Variants in IPO9 observed in about 807,000 individuals in gnomAD.
IPO9 encodes the protein importin-9.
A neutral mutation model predicts 128.6 loss-of-function variants in IPO9; 28 were observed. The observed-to-expected ratio is 0.22, with a 90% confidence interval of 0.16 to 0.30. The LOEUF (loss-of-function observed/expected upper bound fraction) is 0.30, where lower values mean the gene tolerates loss of function less well. Among genes scored for constraint, IPO9 ranks in the 10% least tolerant of loss-of-function variants. The pLI, the probability that IPO9 is intolerant of heterozygous loss-of-function variation, is 1.00. For synonymous variants in IPO9, 455 were observed against 475.8 expected, an observed-to-expected ratio of 0.96 and a Z score of 0.57; for missense variants, 935 against 1,293.9, an observed-to-expected ratio of 0.72 and a Z score of 4.26.
Position 201,853,155 on chromosome 1 carries a change from A to G in IPO9, c.690+58A>G, listed in dbSNP as rs370406011. On this transcript the variant is annotated intron_variant, in intron 6 of 23. Coordinates refer to ENST00000361565, the MANE Select transcript of IPO9 (RefSeq NM_018085.5). Reference sequence around the variant, plus strand: ...ATGCTTAAAAGTTTTATTCATGCAGAGCAGTGAGTCATTTCATGATAGCAG... The same window carrying G: ...ATGCTTAAAAGTTTTATTCATGCAGGGCAGTGAGTCATTTCATGATAGCAG... 19 of 1,348,694 alleles carry G rather than the reference A, an allele frequency of 1.4e-5. No individual in the cohort carries two copies. The South Asian group carries it at 1.9e-4, about 13-fold the overall frequency. The allele number at this position is 1,348,694 out of a possible 1,614,324, so 83.5% of individuals were successfully genotyped here. A position where few individuals can be genotyped will look rare whatever the true frequency, so the allele number is the denominator to read the frequency against.
At chr1:201,845,033 G>A (rs1319808656) in intron 1 of IPO9, among the ~76,000 whole-genome samples, 1 of 150,556 alleles carries the variant, frequency 6.6e-6, no homozygotes, top group East Asian at 1.9e-4. Flanking sequence ...GGAGGGGGGG[G>A]CGTACAGAGT....
chr1:201,857,793 C>CT (rs1680361337), intron 11 of IPO9, among the ~76,000 whole-genome samples: 1 of 106,000 alleles, frequency 9.4e-6, no homozygotes, highest in Admixed American at 9.6e-5. Flanking sequence ...GAAACTTGGT[C>CT]TCAAAAAAAA....
At chr1:201,849,811 A>G (rs1044034235) in intron 4 of IPO9, among the ~76,000 whole-genome samples, 1 of 152,228 alleles carries the variant, frequency 6.6e-6, no homozygotes, top group African/African-American at 2.4e-5. Context: ...GACTTACCAA[A>G]AAGATCAGAA....
chr1:201,861,976 G>A lies in IPO9; in HGVS notation c.1469-1472G>A, dbSNP rs1231055297. Among the ~76,000 whole-genome samples, 3 of 152,172 alleles carry A rather than the reference G, an allele frequency of 2.0e-5. 1 individual carries two copies. The highest frequency in any genetic ancestry group is 4.4e-5 in the Non-Finnish European group (3 of 68,028). ...GAGCTGGGAGAGTAAGATGTAAGTT[G>A]CTAAGGAGGGATGTGTACTTGAGTT... On this transcript the variant is annotated intron_variant, in intron 13 of 23. Coordinates refer to ENST00000361565, the MANE Select transcript of IPO9 (RefSeq NM_018085.5).
In IPO9 at chr1:201,874,284, C is replaced by T; in HGVS notation, c.2745C>T (p.Val915=). The change falls in exon 21 of 24, where the codon GTC becomes GTT. Residue 915 remains valine, a synonymous_variant. Coordinates refer to ENST00000361565, the MANE Select transcript of IPO9 (RefSeq NM_018085.5). ...GCTGGACAAACATTCCTTTGCTGGT[C>T]AAGATCCTAAAGCTGATCATCAACG... ...PERWTNIPLL[V]KILKLIINEL... is the part of the protein sequence containing the mutation. 2 of 1,613,844 alleles carry T rather than the reference C, an allele frequency of 1.2e-6. No homozygotes were observed. The highest frequency in any genetic ancestry group is 1.7e-6 in the Non-Finnish European group (2 of 1,179,852).
chr1:201,856,084 T>A, intron 10 of IPO9, 150 bp downstream of exon 10: 1 of 649,478 alleles, frequency 1.5e-6, no homozygotes, highest in Non-Finnish European at 2.4e-6. Context: ...TTTGACATCA[T>A]TTTATTGCCA....
intron 1 of IPO9, among the ~76,000 whole-genome samples, chr1:201,835,939 A>G (rs1046841925): frequency 1.1e-4 from 16 of 151,870 alleles, no homozygotes; most frequent in Admixed American, 2.6e-4. Context: ...GTGAAACCCC[A>G]TCTCTACTAA....
rs146254344 is a variant in IPO9, at chr1:201,841,473, TG to T, written c.164-5804del. 3.3e-4 allele frequency among the ~76,000 whole-genome samples: 51 copies of T among 152,302 alleles called. No individual in the cohort carries two copies. In the East Asian group the frequency reaches 7.5e-3, roughly 22 times the overall value. ...CTGGGCTATCAGTCAGTATGATAAA[TG>T]GATGGATGGCTATATGGTTAGGTAT... On this transcript the variant is annotated intron_variant, in intron 1 of 23. Coordinates refer to ENST00000361565, the MANE Select transcript of IPO9 (RefSeq NM_018085.5).
At chr1:201,833,989 G>A (rs1055930543) in intron 1 of IPO9, among the ~76,000 whole-genome samples, 2 of 151,904 alleles carry the variant, frequency 1.3e-5, no homozygotes, top group African/African-American at 4.8e-5. Flanking sequence ...GTCTTGCTGT[G>A]TTGACCAGGC....
intron 4 of IPO9, among the ~76,000 whole-genome samples, chr1:201,849,116 A>AC (rs1362616071): frequency 1.3e-5 from 2 of 152,250 alleles, no homozygotes; most frequent in African/African-American, 2.4e-5. Flanking sequence ...AAGTATTTAA[A>AC]AAGAAGATAA....
chr1:201,855,010 T>C, intron 8 of IPO9, 87 bp downstream of exon 8: 2 of 1,340,326 alleles, frequency 1.5e-6, no homozygotes, highest in South Asian at 2.6e-5. Flanking sequence ...GGTTCCACTC[T>C]TCTTACACAG....
At chr1:201,872,424 G>A (rs1332820547) in intron 19 of IPO9, among the ~76,000 whole-genome samples, 1 of 151,952 alleles carries the variant, frequency 6.6e-6, no homozygotes, top group African/African-American at 2.4e-5. Flanking sequence ...GCAACATGGT[G>A]AAACCTGTGT....
intron 6 of IPO9, among the ~76,000 whole-genome samples, chr1:201,854,267 T>G (rs926223717): frequency 6.6e-6 from 1 of 152,238 alleles, no homozygotes; most frequent in Non-Finnish European, 1.5e-5. Context: ...TAGTCATCCC[T>G]TAGAACTTTC....
rs1237568416 is a variant in IPO9, at chr1:201,879,219, A to G, written c.*3165A>G. On this transcript the variant is annotated 3_prime_UTR_variant, in exon 24 of 24. Transcript: ENST00000361565. ...CAAAAGCACCTAAATAAGAGTGACG[A>G]GAGTTTAACAGACATTCATTATGGA... The G allele has an allele frequency of 2.0e-5, 3 of 152,262 alleles. No homozygotes were observed. The highest frequency in any genetic ancestry group is 2.9e-5 in the Non-Finnish European group (2 of 68,050). The allele number at this position is 152,262 out of a possible 1,614,324, so 9.4% of individuals were successfully genotyped here.
chr1:201,854,943 T>C lies in IPO9; in HGVS notation c.911+20T>C, dbSNP rs759238186. On this transcript the variant is annotated intron_variant, in intron 8 of 23. Coordinates refer to ENST00000361565, the MANE Select transcript of IPO9 (RefSeq NM_018085.5). ...AGCTTTATATCCTTTCTTGAAAGTT[T>C]AAGGGAGCTACTACCACCTATAGTT... 2.6e-6 allele frequency: 4 copies of C among 1,565,038 alleles called. No individual in the cohort carries two copies. Among genetic ancestry groups the C allele is most frequent in the Non-Finnish European group, 3.5e-6 (4 of 1,155,356 alleles).
At chr1:201,869,778 A>G (rs1022282647) in intron 17 of IPO9, 60 bp downstream of exon 17, 12 of 1,531,842 alleles carry the variant, frequency 7.8e-6, no homozygotes, top group Admixed American at 6.3e-5. Context: ...GGCTTATACT[A>G]TGCTGAGAAA....
At position 201,854,732 on chromosome 1, in the gene IPO9, A is replaced by G. The variant is rs565434157; in HGVS notation, c.810+18A>G. 30 of 1,611,934 alleles carry G rather than the reference A, an allele frequency of 1.9e-5. No individual in the cohort carries two copies. The South Asian group carries it at 2.6e-4, about 14-fold the overall frequency. ...TCCTAAAGGTAAACACTTACTACCAATGAAATATTTGGAGTTTGAGGGGCT... is the reference window on the plus strand; with the variant it reads ...TCCTAAAGGTAAACACTTACTACCAGTGAAATATTTGGAGTTTGAGGGGCT... On this transcript the variant is annotated intron_variant, in intron 7 of 23. Transcript: ENST00000361565.
intron 19 of IPO9, 50 bp downstream of exon 19, chr1:201,871,377 T>TA: frequency 3.0e-5 from 2 of 66,058 alleles, no homozygotes; most frequent in Non-Finnish European, 4.2e-5. Flanking sequence ...CTCATATTTC[T>TA]TTTTTTTTTT....
Position 201,870,854 on chromosome 1 carries a change from T to C in IPO9, c.2405T>C (p.Met802Thr). The change falls in exon 18 of 24, where the codon ATG becomes ACG. Residue 802 changes from methionine to threonine, a missense_variant. By Grantham distance (81) the Met-to-Thr change is moderately conservative. This residue lies in a region of IPO9 where 741 missense variants were observed against 1,019.1 expected (regional missense o/e 0.73). Transcript: ENST00000361565. The surrounding 1 kb of genome is among the most constrained non-coding windows in gnomAD (Gnocchi z 4.9). ...KMQQAETLSV[M>T]QSLIMVFAHL... ...CAGCAGGCAGAGACGCTCAGTGTCA[T>C]GCAGGTAAGAGAGCAGTGGGGAGTG... 1 of 1,610,222 alleles carries C rather than the reference T, an allele frequency of 6.2e-7. No individual in the cohort carries two copies. Among genetic ancestry groups the C allele is most frequent in the Non-Finnish European group, 8.5e-7 (1 of 1,177,420 alleles).
Sources: allele counts gnomAD v4.1 joint callset (sites outside exome capture counted in the v4.1 genomes callset), GRCh38; gene constraint gnomAD v4.1.1; regional missense constraint gnomAD v4.1.1; non-coding constraint Gnocchi (gnomAD v3.1); transcripts MANE v1.5; gene names NCBI Gene and HGNC (gene_info 2026-07-23, HGNC 2026-07-21).